The following COL4A2 variants were observed in gnomAD, a reference collection of about 807,000 sequenced individuals.
COL4A2 encodes collagen alpha-2(IV) chain.
A neutral mutation model predicts 200.2 loss-of-function variants in COL4A2; 99 were observed. The ratio of observed to expected loss-of-function variants is 0.49; its 90% CI spans 0.42 to 0.58. The LOEUF is 0.58. COL4A2 is among the 20% of genes least tolerant of loss of function. The probability of loss-of-function intolerance (pLI) is 0.00; values close to 1 mark genes in which losing one functional copy is unlikely to be tolerated. For missense variants in COL4A2, 1,950 were observed against 2,314.1 expected, an observed-to-expected ratio of 0.84 and a Z score of 3.23; for synonymous variants, 897 against 900.6, an observed-to-expected ratio of 1.00 and a Z score of 0.07.
rs372500110 is a variant in COL4A2, at chr13:110,481,700, T to C, written c.2759-816T>C. On this transcript the variant is annotated intron_variant, in intron 31 of 47. Transcript: ENST00000360467. ...TCCTTCCATTGCTGGAGACACACTGTTCTGTCCTTCCATTGCTGGAGACAC... is the reference window on the plus strand; with the variant it reads ...TCCTTCCATTGCTGGAGACACACTGCTCTGTCCTTCCATTGCTGGAGACAC... Among the ~76,000 whole-genome samples the C allele has an allele frequency of 1.8e-3, 30 of 16,686 alleles. 6 individuals carry two copies. The highest frequency in any genetic ancestry group is 3.3e-3 in the Admixed American group (5 of 1,538). 10.9% of individuals were successfully genotyped at this position (16,686 alleles called of 152,430 possible). A position where few individuals can be genotyped will look rare whatever the true frequency, so the allele number is the denominator to read the frequency against.
chr13:110,359,169 G>A (rs1877412922), intron 4 of COL4A2, among the ~76,000 whole-genome samples: 1 of 151,960 alleles, frequency 6.6e-6, no homozygotes, highest in Admixed American at 6.5e-5. Flanking sequence ...ATAAGTAAGA[G>A]GAAAAAAGGG....
At chr13:110,463,647 C>T (rs913483390) in intron 24 of COL4A2, among the ~76,000 whole-genome samples, 5 of 152,184 alleles carry the variant, frequency 3.3e-5, no homozygotes, top group Non-Finnish European at 7.3e-5. Context: ...ATCCTCCTGC[C>T]TCAACCTCCC....
chr13:110,357,626 T>G, intron 4 of COL4A2, 74 bp downstream of exon 4: 2 of 1,541,504 alleles, frequency 1.3e-6, no homozygotes, highest in South Asian at 1.2e-5. Flanking sequence ...CGGGGTACCT[T>G]CTGGGACACG....
chr13:110,406,112 A>T (rs1566515438), intron 4 of COL4A2, among the ~76,000 whole-genome samples: 1 of 152,240 alleles, frequency 6.6e-6, no homozygotes, highest in Non-Finnish European at 1.5e-5. Flanking sequence ...CAAAGAAAAC[A>T]CTGCCAAACT....
rs778627200 is a variant in COL4A2, at chr13:110,446,819, C to T, written c.1033C>T (p.Pro345Ser). 3.7e-6 allele frequency: 6 copies of T among 1,611,224 alleles called. No individual in the cohort carries two copies. Among genetic ancestry groups the T allele is most frequent in the African/African-American group, 1.3e-5 (1 of 74,848 alleles). Reference protein sequence around the residue: ...GPKGEAGDPGPPGLPAYSPHP... With the variant: ...GPKGEAGDPGSPGLPAYSPHP... ...CTAGGGAGAAGCCGGAGACCCAGGG[C>T]CCCCTGGACTACCTGCCTACTCCCC... is the stretch of plus-strand genomic sequence containing the variant. Residue 345 changes from proline (P) to serine (S), a missense_variant, in exon 18 of 48, where the codon CCC (proline) becomes TCC (serine). Around this residue, in one of 2 missense-constraint regions of COL4A2, gnomAD observed 565 missense variants for 593.5 expected, o/e 0.95. Transcript: ENST00000360467.
intron 21 of COL4A2, 127 bp from the exon 22 acceptor site, chr13:110,458,644 A>C: frequency 8.9e-7 from 1 of 1,121,420 alleles, no homozygotes; most frequent in Non-Finnish European, 1.3e-6. Flanking sequence ...CATAGTGCCC[A>C]TCAGAACAGG....
intron 31 of COL4A2, among the ~76,000 whole-genome samples, chr13:110,481,998 C>T (rs1177997510): frequency 1.3e-5 from 2 of 150,422 alleles, no homozygotes; most frequent in Admixed American, 6.6e-5. Context: ...ACACATTGGT[C>T]GGTCCTTCCA....
intron 20 of COL4A2, among the ~76,000 whole-genome samples, chr13:110,456,101 T>C (rs1262606956): frequency 6.6e-6 from 1 of 152,244 alleles, no homozygotes; most frequent in Non-Finnish European, 1.5e-5. Context: ...GCGCGCTCTT[T>C]GCTGGTGTGA....
chr13:110,376,413 G>T (rs1172766080), intron 4 of COL4A2, among the ~76,000 whole-genome samples: 1 of 151,662 alleles, frequency 6.6e-6, no homozygotes, highest in African/African-American at 2.4e-5. Flanking sequence ...TAATCATCCT[G>T]CCTTGATTTG....
At chr13:110,327,313 C>T (rs545348505) in intron 3 of COL4A2, among the ~76,000 whole-genome samples, 2 of 152,330 alleles carry the variant, frequency 1.3e-5, no homozygotes, top group African/African-American at 2.4e-5. Context: ...CCGGGGGGTC[C>T]TCACCAACCC....
chr13:110,469,207 G>T lies in COL4A2; in HGVS notation c.2096-10G>T. On this transcript the variant is annotated splice_polypyrimidine_tract_variant and intron_variant, in intron 27 of 47. Transcript: ENST00000360467. Reference sequence around the variant, plus strand: ...GCCTGATGTGGTTTGTGGTTTATTTGGTTATTTAGGTGCCAAAGGCCTCCG... The same window carrying T: ...GCCTGATGTGGTTTGTGGTTTATTTTGTTATTTAGGTGCCAAAGGCCTCCG... 6.3e-7 allele frequency: 1 copy of T among 1,575,814 alleles called. No homozygotes were observed.
At chr13:110,369,148 T>G (rs768091802) in intron 4 of COL4A2, among the ~76,000 whole-genome samples, 1 of 150,978 alleles carries the variant, frequency 6.6e-6, no homozygotes, top group Non-Finnish European at 1.5e-5. Flanking sequence ...GAGTTGGAGG[T>G]TGCAGTGAGC....
chr13:110,506,623 C>A lies in COL4A2; in HGVS notation c.4594+17C>A, dbSNP rs141097444. On this transcript the variant is annotated intron_variant, in intron 46 of 47. Coordinates refer to ENST00000360467, the MANE Select transcript of COL4A2 (RefSeq NM_001846.4). ...AGGACCTGGGTAGGTACCTCCCACC[C>A]GGCCCCCGTTGCCTGCTCAGGGCTG... The A allele has an allele frequency of 5.7e-6, 9 of 1,588,508 alleles. No individual in the cohort carries two copies. In the African/African-American group the frequency reaches 1.1e-4, roughly 19 times the overall value.
chr13:110,351,636 C>T (rs1386814829), intron 3 of COL4A2, among the ~76,000 whole-genome samples: 1 of 152,210 alleles, frequency 6.6e-6, no homozygotes, highest in African/African-American at 2.4e-5. Context: ...TTACAATAAT[C>T]AGACTTAGCA....
intron 4 of COL4A2, among the ~76,000 whole-genome samples, chr13:110,360,526 C>T (rs4771673): frequency 0.99 from 151,393 of 152,350 alleles, 75,230 homozygotes; most frequent in East Asian, 1. Flanking sequence ...TGTGATTTCA[C>T]GAATTCACAG....
chr13:110,512,388 G>A lies in COL4A2; in HGVS notation c.*197G>A. 1 of 919,064 alleles carries A rather than the reference G, an allele frequency of 1.1e-6. No individual in the cohort carries two copies. The highest frequency in any genetic ancestry group is 1.6e-6 in the Non-Finnish European group (1 of 632,418). 56.9% of individuals were successfully genotyped at this position (919,064 alleles called of 1,614,324 possible). ...AGCACTCGGGGTCCCTGGAGGGCAA[G>A]CCCTGCCCACAGAAAGCCAGGAGCA... On this transcript the variant is annotated 3_prime_UTR_variant, in exon 48 of 48. Coordinates refer to ENST00000360467, the MANE Select transcript of COL4A2 (RefSeq NM_001846.4).
chr13:110,311,273 T>C (rs1389994943), intron 3 of COL4A2, among the ~76,000 whole-genome samples: 1 of 152,110 alleles, frequency 6.6e-6, no homozygotes, highest in Non-Finnish European at 1.5e-5. Flanking sequence ...ACCCAGGTGA[T>C]CTGTGTGGGC....
At chr13:110,470,773 C>G (rs9583502) in intron 28 of COL4A2, among the ~76,000 whole-genome samples, 8,842 of 152,290 alleles carry the variant, frequency 0.058, 324 homozygotes, top group African/African-American at 0.1. Flanking sequence ...GACCTCCACT[C>G]AGATAGCTGA....
chr13:110,506,350 C>T, intron 45 of COL4A2, 65 bp from the exon 46 acceptor site: 1 of 1,513,722 alleles, frequency 6.6e-7, no homozygotes, highest in Non-Finnish European at 8.9e-7. Flanking sequence ...AGGCCGTCCA[C>T]TCTCTCTCTT....
Sources: allele counts gnomAD v4.1 joint callset (sites outside exome capture counted in the v4.1 genomes callset), GRCh38; gene constraint gnomAD v4.1.1; regional missense constraint gnomAD v4.1.1; transcripts MANE v1.5; gene names NCBI Gene and HGNC (gene_info 2026-07-23, HGNC 2026-07-21).